Variants in SPSB1 observed in about 807,000 individuals in gnomAD.
SPSB1 encodes SPRY domain-containing SOCS box protein 1.
SPSB1 carries 8 observed loss-of-function variants against 21.2 expected under a neutral mutation model. The observed-to-expected ratio is 0.38, with a 90% CI of 0.22 to 0.68. The LOEUF is 0.68. Ranked by LOEUF, SPSB1 falls within the 30% of genes least tolerant of loss-of-function variation. The probability of loss-of-function intolerance (pLI) is 0.53; values close to 1 mark genes in which losing one functional copy is unlikely to be tolerated. For synonymous variants in SPSB1, 169 were observed against 161.7 expected, an observed-to-expected ratio of 1.05 and a Z score of -0.34; for missense variants, 242 against 377.8, an observed-to-expected ratio of 0.64 and a Z score of 2.98.
intron 1 of SPSB1, among the ~76,000 whole-genome samples, chr1:9,344,503 C>T (rs145389577): frequency 2.2e-3 from 337 of 152,268 alleles, no homozygotes; most frequent in African/African-American, 7.8e-3. Flanking sequence ...CCTGGCTGAG[C>T]GCTCTCCTGC....
At chr1:9,311,137 G>A (rs1639513391) in intron 1 of SPSB1, among the ~76,000 whole-genome samples, 2 of 148,832 alleles carry the variant, frequency 1.3e-5, no homozygotes, top group Admixed American at 1.4e-4. Context: ...TCTCAGGGGT[G>A]TCTAGACAGC....
chr1:9,360,047 A>C (rs993779321), intron 2 of SPSB1, among the ~76,000 whole-genome samples: 3 of 152,166 alleles, frequency 2.0e-5, no homozygotes, highest in Non-Finnish European at 2.9e-5. Flanking sequence ...TCTTCGACAC[A>C]TCCAGGGGGC....
Position 9,340,236 on chromosome 1 carries a change from T to A in SPSB1, c.-149-15507T>A, listed in dbSNP as rs75504344. On this transcript the variant is annotated intron_variant, in intron 1 of 2. Transcript: ENST00000328089. ...CTTTCTCTCCTGTCTGGTTTTCCAT[T>A]TGGGGGCCTAGAGAAGGGGTGCTGT... 1.6e-4 allele frequency among the ~76,000 whole-genome samples: 24 copies of A among 152,208 alleles called. No individual in the cohort carries two copies. The East Asian group carries it at 3.5e-3, about 22-fold the overall frequency.
At position 9,367,668 on chromosome 1, in the gene SPSB1, G is replaced by A. The variant is rs1452800138; in HGVS notation, c.*93G>A. ...GCCGCCGCACCCTGCACCTTGGACC[G>A]GCATCCGTAGCCATGGACAGAGGTC... On this transcript the variant is annotated 3_prime_UTR_variant, in exon 3 of 3. Transcript: ENST00000328089. This position sits in a 1 kb window ranked among gnomAD's most constrained non-coding sequence, Gnocchi z 5.9. 2.6e-5 allele frequency: 38 copies of A among 1,471,878 alleles called. No individual in the cohort carries two copies. Among genetic ancestry groups the A allele is most frequent in the Middle Eastern group, 2.4e-4 (1 of 4,134 alleles). The allele number at this position is 1,471,878 out of a possible 1,614,324, so 91.2% of individuals were successfully genotyped here. A position where few individuals can be genotyped will look rare whatever the true frequency, so the allele number is the denominator to read the frequency against.
rs2100527600 is a variant in SPSB1 at position 9,369,057 on chromosome 1, T to G, written c.*1482T>G. 6.5e-6 allele frequency: 1 copy of G among 152,734 alleles called. No individual in the cohort carries two copies. The highest frequency in any genetic ancestry group is 2.1e-4 in the South Asian group (1 of 4,826). The allele number at this position is 152,734 out of a possible 1,614,324, so 9.5% of individuals were successfully genotyped here. ...TTTAATATATATACATACATATATA[T>G]ATATTTGTCTGTAAGAATTATGTTT... On this transcript the variant is annotated 3_prime_UTR_variant, in exon 3 of 3. Coordinates refer to ENST00000328089, the MANE Select transcript of SPSB1 (RefSeq NM_025106.4).
chr1:9,364,909 T>G (rs1256421475), intron 2 of SPSB1, among the ~76,000 whole-genome samples: 1 of 152,158 alleles, frequency 6.6e-6, no homozygotes, highest in African/African-American at 2.4e-5. Flanking sequence ...TGGAGTGCGA[T>G]GGTGTGATCT....
intron 1 of SPSB1, among the ~76,000 whole-genome samples, chr1:9,310,308 A>G (rs1433495034): frequency 6.6e-6 from 1 of 152,188 alleles, no homozygotes; most frequent in Admixed American, 6.5e-5. Flanking sequence ...GATTCAGACA[A>G]CGGTAATTTC....
At chr1:9,334,987 A>C (rs968143998) in intron 1 of SPSB1, among the ~76,000 whole-genome samples, 2 of 152,190 alleles carry the variant, frequency 1.3e-5, no homozygotes, top group Non-Finnish European at 2.9e-5. Flanking sequence ...CATTGTGAAC[A>C]ATGCTGCTAT....
At chr1:9,322,613 G>A (rs1279810629) in intron 1 of SPSB1, among the ~76,000 whole-genome samples, 6 of 152,150 alleles carry the variant, frequency 3.9e-5, no homozygotes, top group East Asian at 1.9e-4. Context: ...GCATCGTTGC[G>A]GACAGAGGTG....
chr1:9,362,456 C>T (rs1413769004), intron 2 of SPSB1, among the ~76,000 whole-genome samples: 2 of 152,238 alleles, frequency 1.3e-5, no homozygotes, highest in Non-Finnish European at 2.9e-5. Flanking sequence ...GATGGCCACC[C>T]GACCCGTGAC....
At position 9,292,968 on chromosome 1, in the gene SPSB1, G is replaced by A. The variant is rs1371879998; in HGVS notation, c.-253G>A. On this transcript the variant is annotated 5_prime_UTR_variant, in exon 1 of 3. Coordinates refer to ENST00000328089, the MANE Select transcript of SPSB1 (RefSeq NM_025106.4). ...CTCCAGGCGCCGGCGCCGGGGCCGG[G>A]GCCGCGGGGAGGAGGCGACTTCGCT... The A allele has an allele frequency of 2.0e-6, 2 of 982,396 alleles. No homozygotes were observed. Among genetic ancestry groups the A allele is most frequent in the Non-Finnish European group, 2.4e-6 (2 of 828,422 alleles). 60.9% of individuals were successfully genotyped at this position (982,396 alleles called of 1,614,324 possible).
At chr1:9,355,668 G>A (rs2310919) in intron 1 of SPSB1, 75 bp from the exon 2 acceptor site, 294,647 of 1,271,372 alleles carry the variant, frequency 0.23, 35,065 homozygotes, top group Admixed American at 0.35. Context: ...TGATGTGGTC[G>A]CCTTGCCCTC....
At chr1:9,299,925 C>T (rs967064091) in intron 1 of SPSB1, among the ~76,000 whole-genome samples, 3 of 140,658 alleles carry the variant, frequency 2.1e-5, no homozygotes, top group Admixed American at 7.5e-5. Flanking sequence ...GATTGTGTTA[C>T]TTTACTCCAA....
intron 2 of SPSB1, among the ~76,000 whole-genome samples, chr1:9,358,577 A>G (rs1640415010): frequency 6.6e-6 from 1 of 152,208 alleles, no homozygotes; most frequent in South Asian, 2.1e-4. Flanking sequence ...TAGAATCTTG[A>G]GGAGCCCTGA....
intron 1 of SPSB1, among the ~76,000 whole-genome samples, chr1:9,344,958 A>T (rs544264): frequency 6.6e-6 from 1 of 152,218 alleles, no homozygotes; most frequent in East Asian, 1.9e-4. Context: ...ACTGGCTCCC[A>T]TTCAGGCCTT....
chr1:9,339,035 G>T (rs867499410), intron 1 of SPSB1, among the ~76,000 whole-genome samples: 6 of 152,142 alleles, frequency 3.9e-5, no homozygotes, highest in African/African-American at 9.7e-5. Context: ...TGGTTCTCCA[G>T]GCCAGTGGTA....
intron 1 of SPSB1, among the ~76,000 whole-genome samples, chr1:9,319,628 GGGCTGGTATTCCGTTCC>G (rs1639676847): frequency 6.6e-6 from 1 of 152,152 alleles, no homozygotes; most frequent in Non-Finnish European, 1.5e-5. Context: ...GTTCCGTACC[GGGCTGGTATTCCGTTCC>G]GGCTGGTGCA....
chr1:9,324,843 G>A lies in SPSB1; in HGVS notation c.-149-30900G>A, dbSNP rs1433423349. 2.0e-5 allele frequency among the ~76,000 whole-genome samples: 3 copies of A among 152,194 alleles called. No individual in the cohort carries two copies. The highest frequency in any genetic ancestry group is 2.9e-5 in the Non-Finnish European group (2 of 68,030). ...AGACAGTCGTGTTTGCGACAAGTCT[G>A]TTCGCCTGGCCGTGGAGCCAGCACG... On this transcript the variant is annotated intron_variant, in intron 1 of 2. Coordinates refer to ENST00000328089, the MANE Select transcript of SPSB1 (RefSeq NM_025106.4). This position sits in a 1 kb window ranked among gnomAD's most constrained non-coding sequence, Gnocchi z 4.3.
At chr1:9,350,636 A>G (rs1230704198) in intron 1 of SPSB1, among the ~76,000 whole-genome samples, 1 of 152,158 alleles carries the variant, frequency 6.6e-6, no homozygotes, top group African/African-American at 2.4e-5. Flanking sequence ...TGGCGGTGGC[A>G]GCAGCAGGGC....
Sources: allele counts gnomAD v4.1 joint callset (sites outside exome capture counted in the v4.1 genomes callset), GRCh38; gene constraint gnomAD v4.1.1; non-coding constraint Gnocchi (gnomAD v3.1); transcripts MANE v1.5; gene names NCBI Gene and HGNC (gene_info 2026-07-23, HGNC 2026-07-21).